Variants in AVIL observed in about 807,000 individuals in gnomAD.
AVIL encodes the protein advillin.
Under a neutral mutation model 109.9 loss-of-function variants are expected in AVIL, and 78 were observed. That is an observed-to-expected ratio of 0.71 (90% confidence interval 0.59 to 0.86). AVIL has a LOEUF of 0.86. AVIL is among the 40% of genes least tolerant of loss of function. The probability of loss-of-function intolerance (pLI) is 0.00; values close to 1 mark genes in which losing one functional copy is unlikely to be tolerated. For missense variants in AVIL, 892 were observed against 1,016.5 expected, an observed-to-expected ratio of 0.88 and a Z score of 1.67; for synonymous variants, 367 against 379.1, an observed-to-expected ratio of 0.97 and a Z score of 0.37.
At chr12:57,802,397 TA>T in intron 16 of AVIL, 49 bp from the exon 17 acceptor site, 1 of 1,544,062 alleles carries the variant, frequency 6.5e-7, no homozygotes, top group Non-Finnish European at 8.8e-7. Flanking sequence ...TACCAAGGAC[TA>T]AGTACTAGAT....
At chr12:57,802,856 G>A (rs1955877960) in intron 16 of AVIL, 1 of 553,294 alleles carries the variant, frequency 1.8e-6, no homozygotes, top group Non-Finnish European at 3.2e-6. Context: ...CTACTCCACT[G>A]CCCTTATGTG....
chr12:57,812,543 G>T (rs980407479), intron 4 of AVIL, among the ~76,000 whole-genome samples: 1 of 151,920 alleles, frequency 6.6e-6, no homozygotes, highest in African/African-American at 2.4e-5. Context: ...TGTATTATTA[G>T]TAGAGACGGG....
In AVIL at chr12:57,806,477, A is replaced by T. The variant is rs1039261270; in HGVS notation, c.1554T>A (p.His518Gln). The T allele has an allele frequency of 1.9e-6, 3 of 1,613,992 alleles. No individual in the cohort carries two copies. The highest frequency in any genetic ancestry group is 2.5e-6 in the Non-Finnish European group (3 of 1,180,018). The change falls in exon 14 of 20, where the codon CAT becomes CAA. Residue 518 changes from histidine (H) to glutamine (Q), a missense_variant. His to Gln is a conservative substitution (Grantham distance 24). Coordinates refer to ENST00000549994, the MANE Select transcript of AVIL (RefSeq NM_006576.4). ...CTTTGGTGTTAGATTTGTCATTTCCATGAATTTGGAAGAGTCTTACTGGAG... is the reference window on the plus strand; with the variant it reads ...CTTTGGTGTTAGATTTGTCATTTCCTTGAATTTGGAAGAGTCTTACTGGAG... ...PDPPVRLFQI[H>Q]GNDKSNTKAV...
At chr12:57,806,699 C>T (rs984030418) in intron 13 of AVIL, 160 bp from the exon 14 acceptor site, 31 of 690,602 alleles carry the variant, frequency 4.5e-5, no homozygotes, top group African/African-American at 1.1e-4. Context: ...GTTATGTCAC[C>T]GATAACAACA....
In AVIL at chr12:57,797,635, G is replaced by T; in HGVS notation, c.*247C>A. On this transcript the variant is annotated 3_prime_UTR_variant, in exon 20 of 20. Transcript: ENST00000549994. ...TTCTCCAGATTTATGCAGTTTTAGTGCTTTCTGCTGAGGCTTTAGCTAGAG... is the reference window on the plus strand; with the variant it reads ...TTCTCCAGATTTATGCAGTTTTAGTTCTTTCTGCTGAGGCTTTAGCTAGAG... 2.3e-6 allele frequency: 2 copies of T among 875,088 alleles called. No homozygotes were observed. Among genetic ancestry groups the T allele is most frequent in the Non-Finnish European group, 2.8e-6 (2 of 710,188 alleles). 54.2% of individuals were successfully genotyped at this position (875,088 alleles called of 1,614,324 possible). A position where few individuals can be genotyped will look rare whatever the true frequency, so the allele number is the denominator to read the frequency against.
At chr12:57,806,671 G>C in intron 13 of AVIL, 132 bp from the exon 14 acceptor site, 1 of 975,314 alleles carries the variant, frequency 1.0e-6, no homozygotes, top group Non-Finnish European at 1.5e-6. Flanking sequence ...TCACTGGAAA[G>C]GGTCAGGGTA....
Position 57,816,050 on chromosome 12 carries a change from C to T in AVIL, c.-10G>A. 9 of 1,608,946 alleles carry T rather than the reference C, an allele frequency of 5.6e-6. No individual in the cohort carries two copies. The highest frequency in any genetic ancestry group is 7.6e-6 in the Non-Finnish European group (9 of 1,177,544). On this transcript the variant is annotated 5_prime_UTR_variant, in exon 2 of 20. Transcript: ENST00000549994. ...CACTGGTCAGAGGCATGATGCTTGTCTTTCCAGGACTGAAACATCACAGAA... is the reference window on the plus strand; with the variant it reads ...CACTGGTCAGAGGCATGATGCTTGTTTTTCCAGGACTGAAACATCACAGAA...
intron 1 of AVIL, chr12:57,816,322 A>AT: frequency 2.6e-6 from 1 of 381,042 alleles, no homozygotes; most frequent in Non-Finnish European, 4.7e-6. Flanking sequence ...CGTCATGGTT[A>AT]TTTACCAAAG....
At chr12:57,808,344 C>T (rs1033345193) in intron 10 of AVIL, 50 bp from the exon 11 acceptor site, 1 of 1,614,040 alleles carries the variant, frequency 6.2e-7, no homozygotes, top group Non-Finnish European at 8.5e-7. Context: ...GCATCTGTGC[C>T]TGCTTTTCTA....
rs1263225248 is a variant in AVIL at position 57,803,686 on chromosome 12, G to A, written c.1672-17C>T. On this transcript the variant is annotated splice_polypyrimidine_tract_variant and intron_variant, in intron 14 of 19. Transcript: ENST00000549994. ...ACTAGACCCCTGAGAGTGGGGCGAG[G>A]AGAGCACAGATGTTAGTTGCACAGG... 6.2e-7 allele frequency: 1 copy of A among 1,612,550 alleles called. No homozygotes were observed. Among genetic ancestry groups the A allele is most frequent in the Non-Finnish European group, 8.5e-7 (1 of 1,179,210 alleles).
intron 3 of AVIL, 21 bp from the exon 4 acceptor site, chr12:57,813,444 TC>T (rs779399886): frequency 6.2e-7 from 1 of 1,609,424 alleles, no homozygotes; most frequent in Non-Finnish European, 8.5e-7. Context: ...GTCAGAGAGA[TC>T]AGGTCAGAGG....
At position 57,815,744 on chromosome 12, in the gene AVIL, T is replaced by G. The variant is rs538176808; in HGVS notation, c.66+231A>C. 159 of 1,429,614 alleles carry G rather than the reference T, an allele frequency of 1.1e-4. 2 individuals carry two copies. In the African/African-American group the frequency reaches 1.7e-3, roughly 15 times the overall value. The allele number at this position is 1,429,614 out of a possible 1,614,324, so 88.6% of individuals were successfully genotyped here. A position where few individuals can be genotyped will look rare whatever the true frequency, so the allele number is the denominator to read the frequency against. On this transcript the variant is annotated intron_variant, in intron 2 of 19. Transcript: ENST00000549994. Reference sequence around the variant, plus strand: ...TGGCTGGCTAAAGGACAAGCCTGTTTTTGTCTGGAGCCCTGTTCTTCGGGG... The same window carrying G: ...TGGCTGGCTAAAGGACAAGCCTGTTGTTGTCTGGAGCCCTGTTCTTCGGGG...
chr12:57,798,460 A>G (rs1013530643), intron 19 of AVIL, among the ~76,000 whole-genome samples: 5 of 152,212 alleles, frequency 3.3e-5, no homozygotes, highest in Non-Finnish European at 7.3e-5. Context: ...TTGAATATTT[A>G]TATACAAGTA....
At position 57,813,376 on chromosome 12, in the gene AVIL, G is replaced by A. The variant is rs201192100; in HGVS notation, c.189C>T (p.Ile63=). 327 of 1,613,980 alleles carry A rather than the reference G, an allele frequency of 2.0e-4. No homozygotes were observed. Among genetic ancestry groups the A allele is most frequent in the Non-Finnish European group, 2.5e-4 (295 of 1,180,010 alleles). The change falls in exon 4 of 20, where the codon ATC becomes ATT. Residue 63 remains isoleucine (I), a synonymous_variant. Transcript: ENST00000549994. ...GCTCATCCTGGGAGGAGTCCTTCCC[G>A]ATCCAGAAGTGGATGTCCTGGGATA... is the stretch of plus-strand genomic sequence containing the variant. ...SLLSQDIHFW[I]GKDSSQDEQS...
Position 57,799,828 on chromosome 12 carries a change from C to G in AVIL, c.2313G>C (p.Glu771Asp), listed in dbSNP as rs1444717313. 6.2e-7 allele frequency: 1 copy of G among 1,614,008 alleles called. No individual in the cohort carries two copies. Among genetic ancestry groups the G allele is most frequent in the South Asian group, 1.1e-5 (1 of 91,086 alleles). The change falls in exon 19 of 20, where the codon GAG (glutamate) becomes GAC (aspartate). Residue 771 changes from glutamate (E) to aspartate (D), a missense_variant. Coordinates refer to ENST00000549994, the MANE Select transcript of AVIL (RefSeq NM_006576.4). The stretch of plus-strand genomic sequence containing the variant: ...TGGCAGGGTTTACATCCTCAGGCAG[C>G]TCCTGATTCTGGTTTTTCAACAGAA... ...IAVLLKNQNQELPEDVNPAKK... is the reference protein window; with the variant it reads ...IAVLLKNQNQDLPEDVNPAKK...
chr12:57,802,430 C>G, intron 16 of AVIL, 82 bp from the exon 17 acceptor site: 2 of 1,470,970 alleles, frequency 1.4e-6, no homozygotes. Flanking sequence ...CCCTATCTTT[C>G]CCCTTTCTTT....
chr12:57,803,220 G>C (rs1341575351), intron 16 of AVIL, 27 bp downstream of exon 16: 1 of 1,613,600 alleles, frequency 6.2e-7, no homozygotes, highest in African/African-American at 1.3e-5. Context: ...TCTTTCTCAT[G>C]TTCTGACTTC....
At chr12:57,809,096 G>A in intron 9 of AVIL, 1 of 166,370 alleles carries the variant, frequency 6.0e-6, no homozygotes, top group Non-Finnish European at 1.3e-5. Context: ...CCGGGTTCAA[G>A]TGATTTTCCT....
Position 57,811,007 on chromosome 12 carries a change from T to C in AVIL, c.447+12A>G, listed in dbSNP as rs1226523983. 1 of 1,614,100 alleles carries C rather than the reference T, an allele frequency of 6.2e-7. No homozygotes were observed. Among genetic ancestry groups the C allele is most frequent in the Admixed American group, 1.7e-5 (1 of 60,024 alleles). ...AGCCCCGGGCCTGGGGCAGAGAGTG[T>C]GCAGGACTAACCTCGGTAGCCCTGA... On this transcript the variant is annotated intron_variant, in intron 5 of 19. Coordinates refer to ENST00000549994, the MANE Select transcript of AVIL (RefSeq NM_006576.4).
Sources: gnomAD v4.1 joint callset for allele counts (sites outside exome capture counted in the v4.1 genomes callset) on GRCh38, gnomAD v4.1.1 for gene constraint, MANE v1.5 for transcripts, NCBI Gene and HGNC (gene_info 2026-07-23, HGNC 2026-07-21) for gene names.